Variants in SNRPN observed in about 807,000 individuals in gnomAD.
SNRPN encodes the protein small nuclear ribonucleoprotein-associated protein N.
A neutral mutation model predicts 25.2 loss-of-function variants in SNRPN; 7 were observed. The observed-to-expected ratio is 0.28, with a 90% confidence interval of 0.16 to 0.52. SNRPN has a LOEUF of 0.52. Ranked by LOEUF, SNRPN falls within the 20% of genes least tolerant of loss-of-function variation. The pLI is 0.96. For missense variants in SNRPN, 196 were observed against 322.5 expected, an observed-to-expected ratio of 0.61 and a Z score of 3.00; for synonymous variants, 124 against 110.6, an observed-to-expected ratio of 1.12 and a Z score of -0.76.
upstream of SNRPN, among the ~76,000 whole-genome samples, chr15:24,954,588 ATGGCGCAT>A (rs2062539791): frequency 6.6e-6 from 1 of 152,182 alleles, no homozygotes; most frequent in African/African-American, 2.4e-5. Context: ...GATTGTGGTT[ATGGCGCAT>A]TTAACTTTTC....
Position 24,877,017 on chromosome 15 carries a change from C to G in SNRPN, c.-578-9499C>G, listed in dbSNP as rs2055966460. On this transcript the variant is annotated intron_variant, in intron 1 of 11. Transcript: ENST00000400097. ...TAGCTAGGGTGTGCTCACTTAGGAA[C>G]ACAGCTGTTGAAATTGTAAAATGAG... Among the ~76,000 whole-genome samples, 3 of 152,014 alleles carry G rather than the reference C, an allele frequency of 2.0e-5. No individual in the cohort carries two copies. In the South Asian group the frequency reaches 6.2e-4, roughly 31 times the overall value.
chr15:24,854,018 C>T (rs781129149), upstream of SNRPN, among the ~76,000 whole-genome samples: 2 of 152,134 alleles, frequency 1.3e-5, no homozygotes, highest in Non-Finnish European at 2.9e-5. Flanking sequence ...TTTTTTCACT[C>T]ATTTATTTAT....
intron 2 of SNRPN, chr15:24,851,269 C>T (rs1795852484): frequency 1.3e-5 from 2 of 152,158 alleles, no homozygotes; most frequent in Admixed American, 1.3e-4. Flanking sequence ...TCTGATATTT[C>T]AGTCCAGTAG....
At chr15:24,827,148 G>GGTGA (rs771306799) in intron 1 of SNRPN, among the ~76,000 whole-genome samples, 8 of 152,038 alleles carry the variant, frequency 5.3e-5, no homozygotes, top group South Asian at 2.1e-4. Context: ...AGTTCATCCA[G>GGTGA]GTGAGTGAGT....
At chr15:24,894,489 G>C (rs112667316) in intron 2 of SNRPN, among the ~76,000 whole-genome samples, 6,821 of 152,212 alleles carry the variant, frequency 0.045, 552 homozygotes, top group African/African-American at 0.16. Flanking sequence ...AAAGTGCTGG[G>C]ATTACAGGCG....
chr15:24,972,418 G>A (rs1004493003), intron 3 of SNRPN, among the ~76,000 whole-genome samples: 1 of 151,974 alleles, frequency 6.6e-6, no homozygotes, highest in African/African-American at 2.4e-5. Flanking sequence ...AATTTTTGTG[G>A]AGGTCTTTGT....
chr15:24,953,443 C>T (rs1341029761), upstream of SNRPN, among the ~76,000 whole-genome samples: 1 of 152,170 alleles, frequency 6.6e-6, no homozygotes, highest in African/African-American at 2.4e-5. Context: ...CCTGCCTCAG[C>T]CTCCCGAGTA....
chr15:24,854,160 C>G (rs1244246970), upstream of SNRPN, among the ~76,000 whole-genome samples: 1 of 152,106 alleles, frequency 6.6e-6, no homozygotes, highest in Non-Finnish European at 1.5e-5. Context: ...ATACACACTC[C>G]TAGTATAATG....
rs76151057 is a variant in SNRPN at position 24,876,683 on chromosome 15, C to T, written c.-578-9833C>T. Among the ~76,000 whole-genome samples the T allele has an allele frequency of 3.6e-3, 549 of 150,860 alleles. 2 individuals carry two copies. Among genetic ancestry groups the T allele is most frequent in the African/African-American group, 0.013 (522 of 41,076 alleles). ...TTACTCTGTTGAAATCCACAAAATGCATGAGCATACAACCCAAATTTAAGT... is the reference window on the plus strand; with the variant it reads ...TTACTCTGTTGAAATCCACAAAATGTATGAGCATACAACCCAAATTTAAGT... On this transcript the variant is annotated intron_variant, in intron 1 of 11. Coordinates refer to the SNRPN transcript ENST00000400097.
chr15:24,845,822 A>G (rs1226402350), intron 2 of SNRPN, among the ~76,000 whole-genome samples: 1 of 152,068 alleles, frequency 6.6e-6, no homozygotes, highest in Non-Finnish European at 1.5e-5. Context: ...TGGTGGCTCA[A>G]GACTGTAATC....
At chr15:24,963,404 C>T (rs2075144921) in intron 2 of SNRPN, among the ~76,000 whole-genome samples, 2 of 152,058 alleles carry the variant, frequency 1.3e-5, no homozygotes, top group Non-Finnish European at 2.9e-5. Context: ...ATCACAAGGT[C>T]AGGAGTTCGA....
At chr15:24,914,644 C>T (rs766467410) in intron 2 of SNRPN, among the ~76,000 whole-genome samples, 32 of 152,176 alleles carry the variant, frequency 2.1e-4, no homozygotes, top group Non-Finnish European at 3.7e-4. Context: ...GAGTCTAATT[C>T]ACCAGTGGAT....
chr15:24,905,435 G>T (rs2058734822), intron 2 of SNRPN, among the ~76,000 whole-genome samples: 1 of 151,724 alleles, frequency 6.6e-6, no homozygotes. Context: ...CTTGAACCCG[G>T]GAGGCGGAGG....
intron 2 of SNRPN, among the ~76,000 whole-genome samples, chr15:24,902,699 T>TA (rs751884992): frequency 4.6e-5 from 7 of 152,170 alleles, no homozygotes; most frequent in African/African-American, 1.7e-4. Flanking sequence ...CAGTCAGTGT[T>TA]ACAGCTCTCA....
intron 1 of SNRPN, among the ~76,000 whole-genome samples, chr15:24,861,623 G>A (rs551658054): frequency 8.5e-5 from 13 of 152,264 alleles, no homozygotes; most frequent in Non-Finnish European, 1.6e-4. Flanking sequence ...CTATGGCATC[G>A]TGACAGCTTT....
intron 2 of SNRPN, among the ~76,000 whole-genome samples, chr15:24,845,817 G>A (rs1015274907): frequency 6.9e-4 from 105 of 152,092 alleles, no homozygotes; most frequent in African/African-American, 2.4e-3. Flanking sequence ...AGGCGTGGTG[G>A]CTCAAGACTG....
At chr15:24,952,596 G>A (rs920962597), upstream of SNRPN, among the ~76,000 whole-genome samples, 2 of 152,092 alleles carry the variant, frequency 1.3e-5, no homozygotes, top group Admixed American at 1.3e-4. Flanking sequence ...ACTCCAAAGC[G>A]AATTTCCTAA....
At chr15:24,834,089 C>A (rs2050794254) in intron 2 of SNRPN, among the ~76,000 whole-genome samples, 2 of 152,218 alleles carry the variant, frequency 1.3e-5, no homozygotes, top group East Asian at 1.9e-4. Context: ...CCACACCCAG[C>A]TAATTTTTGT....
intron 2 of SNRPN, among the ~76,000 whole-genome samples, chr15:24,897,835 C>A (rs965191474): frequency 6.6e-6 from 1 of 152,166 alleles, no homozygotes; most frequent in Non-Finnish European, 1.5e-5. Context: ...TGAGGGCTTC[C>A]TAGCCATGTG....
Sources: allele counts gnomAD v4.1 joint callset (sites outside exome capture counted in the v4.1 genomes callset), GRCh38; gene constraint gnomAD v4.1.1; transcripts MANE v1.5; gene names NCBI Gene and HGNC (gene_info 2026-07-23, HGNC 2026-07-21).